The following POU2F3 variants were observed in gnomAD, a reference collection of about 807,000 sequenced individuals.
The protein encoded by POU2F3 is POU domain, class 2, transcription factor 3.
In POU2F3, 23 loss-of-function variants were observed where a neutral mutation model predicts 59.2. The observed-to-expected ratio is 0.39, with a 90% confidence interval of 0.28 to 0.55. The LOEUF is 0.55. Ranked by LOEUF, POU2F3 falls within the 20% of genes least tolerant of loss-of-function variation. The probability of loss-of-function intolerance (pLI) is 0.66; values close to 1 mark genes in which losing one functional copy is unlikely to be tolerated. For missense variants in POU2F3, 473 were observed against 544.5 expected (o/e 0.87, Z 1.31); for synonymous variants, 190 against 214.6 (o/e 0.89, Z 1.00).
At chr11:120,296,584 C>T (rs1032761610) in intron 3 of POU2F3, among the ~76,000 whole-genome samples, 3 of 152,124 alleles carry the variant, frequency 2.0e-5, no homozygotes, top group Admixed American at 1.3e-4. Flanking sequence ...GGCCCCAGTG[C>T]GTGTTGTTCC....
chr11:120,315,997 C>T (rs765311113), intron 11 of POU2F3, among the ~76,000 whole-genome samples: 4 of 151,956 alleles, frequency 2.6e-5, no homozygotes, highest in Admixed American at 6.6e-5. Flanking sequence ...CACAGCCTCC[C>T]GAGTAACTGG....
At chr11:120,272,106 G>A (rs1025543126) in intron 3 of POU2F3, among the ~76,000 whole-genome samples, 1 of 152,128 alleles carries the variant, frequency 6.6e-6, no homozygotes, top group Non-Finnish European at 1.5e-5. Context: ...CGCCAGGCTC[G>A]GGGCAAGGCG....
At chr11:120,255,569 G>A (rs758637379) in intron 2 of POU2F3, among the ~76,000 whole-genome samples, 6 of 152,070 alleles carry the variant, frequency 3.9e-5, no homozygotes, top group Admixed American at 6.5e-5. Context: ...GGAGGGAAGC[G>A]TGGACAAAAG....
intron 3 of POU2F3, among the ~76,000 whole-genome samples, chr11:120,273,888 G>T (rs1223105068): frequency 6.6e-6 from 1 of 152,002 alleles, no homozygotes; most frequent in African/African-American, 2.4e-5. Flanking sequence ...GTGGTGGCAG[G>T]TGCCTGTAAT....
chr11:120,313,275 T>C (rs2135134362), intron 10 of POU2F3, among the ~76,000 whole-genome samples: 1 of 152,310 alleles, frequency 6.6e-6, no homozygotes, highest in East Asian at 1.9e-4. Flanking sequence ...CCATTCCCCA[T>C]CAGCTTTCAT....
At chr11:120,278,357 A>G (rs1369753001) in intron 3 of POU2F3, among the ~76,000 whole-genome samples, 1 of 152,158 alleles carries the variant, frequency 6.6e-6, no homozygotes, top group African/African-American at 2.4e-5. Flanking sequence ...AGCCAGAGAA[A>G]CCACGCCACA....
At chr11:120,279,525 T>G (rs957505464) in intron 3 of POU2F3, among the ~76,000 whole-genome samples, 2 of 152,142 alleles carry the variant, frequency 1.3e-5, no homozygotes, top group Non-Finnish European at 2.9e-5. Flanking sequence ...ATTAGAGAGG[T>G]AATTTTTTTC....
intron 2 of POU2F3, among the ~76,000 whole-genome samples, chr11:120,247,539 C>A (rs753950837): frequency 3.9e-5 from 6 of 152,200 alleles, no homozygotes; most frequent in Non-Finnish European, 8.8e-5. Context: ...AAACTACAAT[C>A]TTTCTATTTT....
chr11:120,301,004 G>C (rs1396169909), intron 5 of POU2F3: 2 of 455,588 alleles, frequency 4.4e-6, no homozygotes, highest in African/African-American at 4.0e-5. Context: ...CATACTCCTG[G>C]AATGGAAAAG....
At chr11:120,297,454 CACTA>C (rs1401829601) in intron 3 of POU2F3, among the ~76,000 whole-genome samples, 1 of 152,184 alleles carries the variant, frequency 6.6e-6, no homozygotes, top group African/African-American at 2.4e-5. Flanking sequence ...CAAAGACTGT[CACTA>C]AAGCCACACA....
chr11:120,236,774 A>G (rs1591364259), upstream of POU2F3: 4 of 1,385,738 alleles, frequency 2.9e-6, no homozygotes, highest in East Asian at 9.9e-5. Context: ...CAAGTCTGAG[A>G]GAGAAGGAAT....
At chr11:120,266,582 G>T (rs967604104) in intron 2 of POU2F3, among the ~76,000 whole-genome samples, 1 of 152,032 alleles carries the variant, frequency 6.6e-6, no homozygotes, top group Non-Finnish European at 1.5e-5. Flanking sequence ...GTCCCTCAGC[G>T]TGCAAGCCTG....
intron 3 of POU2F3, among the ~76,000 whole-genome samples, chr11:120,271,100 C>T (rs187915759): frequency 1.4e-4 from 21 of 152,298 alleles, no homozygotes; most frequent in African/African-American, 4.3e-4. Context: ...TTTAGGCAGG[C>T]AAATTCTGCA....
At chr11:120,243,873 G>C (rs865882043) in intron 1 of POU2F3, among the ~76,000 whole-genome samples, 1 of 152,176 alleles carries the variant, frequency 6.6e-6, no homozygotes, top group Non-Finnish European at 1.5e-5. Context: ...CAAATGAGTA[G>C]ACAACATGGC....
chr11:120,299,995 G>A (rs903880950), intron 5 of POU2F3, among the ~76,000 whole-genome samples: 5 of 152,184 alleles, frequency 3.3e-5, no homozygotes, highest in Non-Finnish European at 7.3e-5. Flanking sequence ...GGAGACGGAA[G>A]GTGCAGGCGT....
At position 120,257,660 on chromosome 11, in the gene POU2F3, A is replaced by G. The variant is rs186532900; in HGVS notation, c.97+11143A>G. Among the ~76,000 whole-genome samples, 506 of 152,226 alleles carry G rather than the reference A, an allele frequency of 3.3e-3. 2 individuals are homozygous for G. Among genetic ancestry groups the G allele is most frequent in the Non-Finnish European group, 6.0e-3 (407 of 68,012 alleles). On this transcript the variant is annotated intron_variant, in intron 2 of 12. Coordinates refer to ENST00000543440, the MANE Select transcript of POU2F3 (RefSeq NM_014352.4). ...AGCGTCACACCACGTCATGGAAAGG[A>G]CATGGCATCTCCACTCTCTGACAAG...
chr11:120,301,145 T>G (rs958906925), intron 5 of POU2F3: 3 of 449,288 alleles, frequency 6.7e-6, no homozygotes, highest in South Asian at 3.2e-5. Flanking sequence ...TCAGAAAAAT[T>G]TACTGGTTTC....
intron 1 of POU2F3, among the ~76,000 whole-genome samples, chr11:120,241,692 C>T (rs1201530823): frequency 1.3e-5 from 2 of 152,190 alleles, no homozygotes; most frequent in Non-Finnish European, 2.9e-5. Context: ...GAGCAAGTCT[C>T]TTCAGAAAGG....
intron 2 of POU2F3, chr11:120,250,316 G>A (rs796266319): frequency 9.2e-5 from 14 of 152,284 alleles, no homozygotes; most frequent in African/African-American, 3.1e-4. Flanking sequence ...AACATCTTTG[G>A]AGGATGGCTT....
Sources: gnomAD v4.1 joint callset for allele counts (sites outside exome capture counted in the v4.1 genomes callset) on GRCh38, gnomAD v4.1.1 for gene constraint, MANE v1.5 for transcripts, NCBI Gene and HGNC (gene_info 2026-07-23, HGNC 2026-07-21) for gene names.